PARD3B: variants seen among roughly 807,000 people sequenced by gnomAD.
The protein encoded by PARD3B is partitioning defective 3 homolog B.
A neutral mutation model predicts 130.2 loss-of-function variants in PARD3B; 103 were observed. The ratio of observed to expected loss-of-function variants is 0.79; its 90% CI spans 0.67 to 0.93. PARD3B has a LOEUF of 0.93. Among genes scored for constraint, PARD3B ranks in the 40% least tolerant of loss-of-function variants. The probability of loss-of-function intolerance (pLI) is 0.00; values close to 1 mark genes in which losing one functional copy is unlikely to be tolerated. For missense variants in PARD3B, 1,609 were observed against 1,499.2 expected (o/e 1.07, Z -1.21); for synonymous variants, 583 against 553.2 (o/e 1.05, Z -0.76).
chr2:204,811,159 C>A (rs555649631), intron 2 of PARD3B, among the ~76,000 whole-genome samples: 2 of 151,958 alleles, frequency 1.3e-5, no homozygotes, highest in Admixed American at 6.6e-5. Context: ...TGGTAACATA[C>A]CCTTTGTTGT....
chr2:205,416,102 G>A (rs921174574), intron 19 of PARD3B, among the ~76,000 whole-genome samples: 1 of 152,000 alleles, frequency 6.6e-6, no homozygotes, highest in Non-Finnish European at 1.5e-5. Flanking sequence ...GGAGTAGGGG[G>A]CTTTATTTTA....
chr2:205,144,445 A>T (rs2033202331), intron 10 of PARD3B, among the ~76,000 whole-genome samples: 1 of 152,184 alleles, frequency 6.6e-6, no homozygotes, highest in African/African-American at 2.4e-5. Flanking sequence ...TTTCCTTATG[A>T]ATTAATTCTG....
At chr2:205,492,912 G>T (rs1035521940) in intron 20 of PARD3B, among the ~76,000 whole-genome samples, 1 of 151,930 alleles carries the variant, frequency 6.6e-6, no homozygotes, top group Non-Finnish European at 1.5e-5. Context: ...TGGTGTTGGG[G>T]GTGTAGTTTC....
chr2:205,242,812 A>C (rs1210794822), intron 15 of PARD3B, among the ~76,000 whole-genome samples: 1 of 152,032 alleles, frequency 6.6e-6, no homozygotes, highest in Non-Finnish European at 1.5e-5. Flanking sequence ...TTTTTCATTT[A>C]GTTCCAACTC....
intron 3 of PARD3B, among the ~76,000 whole-genome samples, chr2:205,034,317 G>A (rs7607440): frequency 0.99 from 151,440 of 152,302 alleles, 75,298 homozygotes; most frequent in Middle Eastern, 1. Flanking sequence ...GTTCCACCCT[G>A]TTCTCCCAGA....
At chr2:204,866,900 C>A (rs1221316853) in intron 2 of PARD3B, among the ~76,000 whole-genome samples, 2 of 151,896 alleles carry the variant, frequency 1.3e-5, no homozygotes, top group Non-Finnish European at 2.9e-5. Flanking sequence ...GAAACCCCGT[C>A]TCTACTAAAA....
chr2:205,130,838 GC>G (rs2125645563), intron 10 of PARD3B, among the ~76,000 whole-genome samples: 1 of 152,248 alleles, frequency 6.6e-6, no homozygotes, highest in Admixed American at 6.5e-5. Context: ...TGTTTGTCAT[GC>G]TGCTTTGACC....
At chr2:205,214,441 T>G (rs1267349908) in intron 15 of PARD3B, among the ~76,000 whole-genome samples, 1 of 151,848 alleles carries the variant, frequency 6.6e-6, no homozygotes, top group Non-Finnish European at 1.5e-5. Flanking sequence ...TTTGTTCACC[T>G]TGGGTCACAC....
rs570020166 is a variant in PARD3B, at chr2:205,449,450, C to T, written c.3044+8778C>T. ...TTCATCGTGTTGGCCAGGCTGGTCTCGAACTCCTGACCTCAGGTGATCCAC... is the reference window on the plus strand; with the variant it reads ...TTCATCGTGTTGGCCAGGCTGGTCTTGAACTCCTGACCTCAGGTGATCCAC... On this transcript the variant is annotated intron_variant, in intron 20 of 22. Coordinates refer to ENST00000406610, the MANE Select transcript of PARD3B (RefSeq NM_001302769.2). Among the ~76,000 whole-genome samples, 119 of 152,052 alleles carry T rather than the reference C, an allele frequency of 7.8e-4. 1 individual carries two copies. The highest frequency in any genetic ancestry group is 2.7e-3 in the African/African-American group (114 of 41,470).
chr2:205,566,933 A>C (rs944354147), intron 22 of PARD3B, among the ~76,000 whole-genome samples: 10 of 152,198 alleles, frequency 6.6e-5, no homozygotes, highest in Non-Finnish European at 1.0e-4. Context: ...TATTTTTCTC[A>C]AGTAGGAAGA....
intron 4 of PARD3B, among the ~76,000 whole-genome samples, chr2:205,067,499 A>G (rs1227067145): frequency 1.3e-5 from 2 of 152,112 alleles, no homozygotes; most frequent in South Asian, 2.1e-4. Flanking sequence ...TGTGTTACAG[A>G]TAAATTTTAA....
intron 2 of PARD3B, among the ~76,000 whole-genome samples, chr2:204,840,061 C>G (rs2044205138): frequency 6.6e-6 from 1 of 152,096 alleles, no homozygotes; most frequent in East Asian, 1.9e-4. Flanking sequence ...GATTTACATC[C>G]TTTTTCCATC....
chr2:205,193,448 G>A, intron 15 of PARD3B, 128 bp downstream of exon 15: 1 of 647,712 alleles, frequency 1.5e-6, no homozygotes, highest in South Asian at 2.0e-5. Context: ...CTGGAGGAAG[G>A]GATAATGGCC....
chr2:204,723,444 A>T (rs1019032654), intron 2 of PARD3B, among the ~76,000 whole-genome samples: 1 of 152,166 alleles, frequency 6.6e-6, no homozygotes, highest in South Asian at 2.1e-4. Context: ...GCCAAAGAAC[A>T]AAAAGTAAGA....
intron 20 of PARD3B, among the ~76,000 whole-genome samples, chr2:205,442,438 G>T (rs138255293): frequency 0.018 from 2,732 of 151,900 alleles, 38 homozygotes; most frequent in Non-Finnish European, 0.023. Context: ...GAGTAGCTGG[G>T]ATTACAGATG....
chr2:204,717,122 G>A (rs1254408180), intron 2 of PARD3B, among the ~76,000 whole-genome samples: 11 of 152,094 alleles, frequency 7.2e-5, no homozygotes, highest in East Asian at 1.9e-4. Flanking sequence ...CCAGTTAGTC[G>A]TGATGATAGG....
intron 2 of PARD3B, among the ~76,000 whole-genome samples, chr2:204,754,589 CTATT>C (rs1181335934): frequency 1.3e-5 from 2 of 152,114 alleles, no homozygotes; most frequent in African/African-American, 4.8e-5. Context: ...TAGGTGTTAT[CTATT>C]GTTATTACAT....
chr2:204,871,627 A>G (rs910539102), intron 2 of PARD3B, among the ~76,000 whole-genome samples: 1 of 152,144 alleles, frequency 6.6e-6, no homozygotes, highest in African/African-American at 2.4e-5. Context: ...TAACTAATGA[A>G]TATTCTTTTT....
rs945605401 is a variant in PARD3B, at chr2:205,229,334, C to T, written c.2141-16444C>T. On this transcript the variant is annotated intron_variant, in intron 15 of 22. Coordinates refer to ENST00000406610, the MANE Select transcript of PARD3B (RefSeq NM_001302769.2). The surrounding 1 kb of genome is among the most constrained non-coding windows in gnomAD (Gnocchi z 5.2). ...AATTGAGTGTTGTGACCTTAATCTT[C>T]GGCCCCTGCAACCATAACTGCATTA... Among the ~76,000 whole-genome samples, 1 of 152,200 alleles carries T rather than the reference C, an allele frequency of 6.6e-6. No homozygotes were observed. The highest frequency in any genetic ancestry group is 6.5e-5 in the Admixed American group (1 of 15,282).
Sources: gnomAD v4.1 joint callset for allele counts (sites outside exome capture counted in the v4.1 genomes callset) on GRCh38, gnomAD v4.1.1 for gene constraint, Gnocchi (gnomAD v3.1) non-coding constraint, MANE v1.5 for transcripts, NCBI Gene and HGNC (gene_info 2026-07-23, HGNC 2026-07-21) for gene names.